The following PAX3 variants were observed in gnomAD, a reference collection of about 807,000 sequenced individuals.
PAX3 encodes paired box protein Pax-3.
In PAX3, 14 loss-of-function variants were observed where a neutral mutation model predicts 51.6. The observed-to-expected ratio is 0.27, with a 90% confidence interval of 0.18 to 0.42. The LOEUF (loss-of-function observed/expected upper bound fraction) is 0.42. Among genes scored for constraint, PAX3 ranks in the 10% least tolerant of loss-of-function variants. The pLI, the probability that PAX3 is intolerant of heterozygous loss-of-function variation, is 1.00. For synonymous variants in PAX3, 280 were observed against 253.4 expected, an observed-to-expected ratio of 1.11 and a Z score of -1.00; for missense variants, 540 against 642.8, an observed-to-expected ratio of 0.84 and a Z score of 1.73.
intron 4 of PAX3, among the ~76,000 whole-genome samples, chr2:222,284,004 G>A (rs1306565996): frequency 2.6e-5 from 4 of 152,184 alleles, no homozygotes; most frequent in African/African-American, 9.7e-5. Flanking sequence ...AGCCCCCAAC[G>A]TTTTGGGAAG....
chr2:222,276,303 G>C (rs77290764), intron 4 of PAX3, among the ~76,000 whole-genome samples: 3,413 of 152,322 alleles, frequency 0.022, 50 homozygotes, highest in Middle Eastern at 0.088. Context: ...AGAAGAGCCG[G>C]TGTGTTCACC....
intron 4 of PAX3, among the ~76,000 whole-genome samples, chr2:222,253,633 C>CTTTTTTTTTTTTTT (rs5838943): frequency 6.8e-6 from 1 of 146,476 alleles, no homozygotes. Context: ...CAAAACTTTT[C>CTTTTTTTTTTTTTT]TTTTTTTTTT....
At chr2:222,240,330 G>A (rs1458399326) in intron 4 of PAX3, among the ~76,000 whole-genome samples, 1 of 152,108 alleles carries the variant, frequency 6.6e-6, no homozygotes, top group Non-Finnish European at 1.5e-5. Context: ...GAGCTGCGCA[G>A]CCCCAAAGCC....
intron 4 of PAX3, among the ~76,000 whole-genome samples, chr2:222,251,733 A>C (rs922027248): frequency 7.2e-5 from 11 of 152,196 alleles, no homozygotes; most frequent in East Asian, 3.8e-4. Flanking sequence ...CCAACAGTGT[A>C]AAAGTGTTCC....
intron 4 of PAX3, among the ~76,000 whole-genome samples, chr2:222,268,942 T>A (rs1042164775): frequency 1.1e-4 from 17 of 152,212 alleles, no homozygotes; most frequent in African/African-American, 4.1e-4. Flanking sequence ...TATGTATATA[T>A]GTTGCATAAT....
chr2:222,269,387 A>G (rs1055848863), intron 4 of PAX3, among the ~76,000 whole-genome samples: 7 of 152,190 alleles, frequency 4.6e-5, no homozygotes, highest in Non-Finnish European at 8.8e-5. Flanking sequence ...TCAAAGGGTC[A>G]CAATGCGAGT....
At chr2:222,286,291 G>A (rs1395365793) in intron 4 of PAX3, among the ~76,000 whole-genome samples, 11 of 152,198 alleles carry the variant, frequency 7.2e-5, no homozygotes. Context: ...AAGATGCGTG[G>A]GGAATTGGCT....
At chr2:222,246,322 A>G (rs1313298471) in intron 4 of PAX3, among the ~76,000 whole-genome samples, 1 of 152,232 alleles carries the variant, frequency 6.6e-6, no homozygotes, top group Non-Finnish European at 1.5e-5. Context: ...AGATGCCAAC[A>G]TTTAAAGAAA....
chr2:222,201,817 CAAAAAA>C (rs368725878), intron 8 of PAX3, 121 bp downstream of exon 8: 2 of 1,449,338 alleles, frequency 1.4e-6, no homozygotes, highest in Non-Finnish European at 1.9e-6. Context: ...GCTGGCTTTG[CAAAAAA>C]AAAAAAAAAT....
chr2:222,218,449 C>T (rs1574643527), intron 7 of PAX3, among the ~76,000 whole-genome samples: 1 of 152,114 alleles, frequency 6.6e-6, no homozygotes, highest in African/African-American at 2.4e-5. Context: ...TAAGAAATGC[C>T]AATGGAATCT....
chr2:222,255,641 G>A (rs1693609734), intron 4 of PAX3, among the ~76,000 whole-genome samples: 3 of 152,166 alleles, frequency 2.0e-5, no homozygotes, highest in South Asian at 4.1e-4. Context: ...CTTGATGTTA[G>A]GAAAGTACTG....
intron 4 of PAX3, chr2:222,264,063 T>A (rs539990989): frequency 9.8e-5 from 15 of 152,298 alleles, no homozygotes; most frequent in African/African-American, 3.6e-4. Context: ...ATTGCATAAA[T>A]TAGCATGTGT....
chr2:222,261,575 C>A (rs1324644152), intron 4 of PAX3, among the ~76,000 whole-genome samples: 1 of 149,834 alleles, frequency 6.7e-6, no homozygotes, highest in Non-Finnish European at 1.5e-5. Context: ...GGGTTTCTAT[C>A]TTCACTCAAG....
At position 222,200,366 on chromosome 2, in the gene PAX3, A is replaced by T. The variant is rs1271908792; in HGVS notation, c.*1042T>A. ...ATAGAAAAGAGAAGAATGTAAACGTAATCAGTTTAAAAGCATAATTATCTG... is the reference window on the plus strand; with the variant it reads ...ATAGAAAAGAGAAGAATGTAAACGTTATCAGTTTAAAAGCATAATTATCTG... On this transcript the variant is annotated 3_prime_UTR_variant, in exon 9 of 9. Transcript: ENST00000392070. 8.9e-6 allele frequency: 2 copies of T among 225,492 alleles called. No individual in the cohort carries two copies. Among genetic ancestry groups the T allele is most frequent in the African/African-American group, 4.5e-5 (2 of 44,912 alleles). The allele number at this position is 225,492 out of a possible 1,614,324, so 14.0% of individuals were successfully genotyped here. A position where few individuals can be genotyped will look rare whatever the true frequency, so the allele number is the denominator to read the frequency against.
intron 4 of PAX3, among the ~76,000 whole-genome samples, chr2:222,237,090 G>A (rs1164827502): frequency 4.6e-5 from 7 of 152,138 alleles, no homozygotes; most frequent in African/African-American, 7.2e-5. Context: ...CTAGAGCAAC[G>A]CTTTCCAGGA....
intron 4 of PAX3, among the ~76,000 whole-genome samples, chr2:222,292,629 A>G (rs1695085493): frequency 2.0e-5 from 3 of 152,206 alleles, no homozygotes; most frequent in Non-Finnish European, 4.4e-5. Flanking sequence ...CACTGCCCAC[A>G]GGAGCACATT....
chr2:222,225,739 A>C (rs1692358875), intron 5 of PAX3, among the ~76,000 whole-genome samples: 1 of 152,218 alleles, frequency 6.6e-6, no homozygotes, highest in African/African-American at 2.4e-5. Flanking sequence ...AATGCAATCT[A>C]AGCTTCTAAA....
In PAX3 at chr2:222,298,687, A is replaced by G; in HGVS notation, c.-72T>C. The G allele has an allele frequency of 7.2e-7, 1 of 1,395,018 alleles. No homozygotes were observed. The highest frequency in any genetic ancestry group is 9.9e-7 in the Non-Finnish European group (1 of 1,005,768). 86.4% of individuals were successfully genotyped at this position (1,395,018 alleles called of 1,614,324 possible). ...CGGAAAGGCGAGTGCGGCGCGGATG[A>G]CCCTCGGGAACTATCCGGAGCGTGG... On this transcript the variant is annotated 5_prime_UTR_variant, in exon 1 of 9. Coordinates refer to ENST00000392070, the MANE Select transcript of PAX3 (RefSeq NM_181458.4).
At chr2:222,236,727 C>G (rs952156683) in intron 4 of PAX3, among the ~76,000 whole-genome samples, 5 of 152,100 alleles carry the variant, frequency 3.3e-5, no homozygotes, top group African/African-American at 9.7e-5. Context: ...TAAATATAAA[C>G]TCTTTGGACT....
Sources: allele counts gnomAD v4.1 joint callset (sites outside exome capture counted in the v4.1 genomes callset), GRCh38; gene constraint gnomAD v4.1.1; transcripts MANE v1.5; gene names NCBI Gene and HGNC (gene_info 2026-07-23, HGNC 2026-07-21).